GABBR2: variants seen among roughly 807,000 people sequenced by gnomAD.
GABBR2 encodes the protein G-protein coupled receptor 51.
GABBR2 carries 23 observed loss-of-function variants against 105.6 expected under a neutral mutation model. That is an observed-to-expected ratio of 0.22 (90% CI 0.16 to 0.31). The LOEUF (loss-of-function observed/expected upper bound fraction) is 0.31, where lower values mean the gene tolerates loss of function less well. GABBR2 is among the 10% of genes least tolerant of loss of function. The pLI is 1.00. For synonymous variants in GABBR2, 478 were observed against 499.7 expected (o/e 0.96, Z 0.58); for missense variants, 734 against 1,245.5 (o/e 0.59, Z 6.18).
chr9:98,676,956 G>T (rs1024676655), intron 1 of GABBR2, among the ~76,000 whole-genome samples: 2 of 152,212 alleles, frequency 1.3e-5, no homozygotes, highest in Non-Finnish European at 2.9e-5. Flanking sequence ...AAGGTGCTCT[G>T]TGGGCACAGA....
At chr9:98,445,475 G>A (rs1214791658) in intron 7 of GABBR2, among the ~76,000 whole-genome samples, 1 of 152,192 alleles carries the variant, frequency 6.6e-6, no homozygotes, top group Non-Finnish European at 1.5e-5. Flanking sequence ...TCTTAGATGG[G>A]GTCCTCCAGA....
intron 1 of GABBR2, among the ~76,000 whole-genome samples, chr9:98,592,860 A>G (rs1268673191): frequency 1.3e-5 from 2 of 152,176 alleles, no homozygotes; most frequent in Non-Finnish European, 2.9e-5. Flanking sequence ...CTGGAAAAGG[A>G]GGTTGGGGCA....
rs112519067 is a variant in GABBR2 at position 98,362,972 on chromosome 9, C to A, written c.1771-135G>T. ...AGAGTCTCCTGCGATTCCCCATCAC[C>A]CACAGGATAAATCCAGCCAAGCTCC... is the stretch of plus-strand genomic sequence containing the variant. On this transcript the variant is annotated intron_variant, in intron 12 of 18. Transcript: ENST00000259455. 324 of 664,306 alleles carry A rather than the reference C, an allele frequency of 4.9e-4. No homozygotes were observed. In the African/African-American group the frequency reaches 5.5e-3, roughly 11 times the overall value. The allele number at this position is 664,306 out of a possible 1,614,324, so 41.2% of individuals were successfully genotyped here.
intron 1 of GABBR2, among the ~76,000 whole-genome samples, chr9:98,604,952 A>G (rs1044472313): frequency 6.6e-6 from 1 of 152,204 alleles, no homozygotes. Flanking sequence ...AGCCCTCATG[A>G]TATGCCATTC....
chr9:98,424,584 C>A (rs76423885), intron 7 of GABBR2, among the ~76,000 whole-genome samples: 2 of 151,610 alleles, frequency 1.3e-5, no homozygotes, highest in Non-Finnish European at 2.9e-5. Context: ...TAGAAAACCC[C>A]ATTGTCTCAG....
At chr9:98,359,583 G>A (rs531870883) in intron 13 of GABBR2, among the ~76,000 whole-genome samples, 3 of 152,262 alleles carry the variant, frequency 2.0e-5, no homozygotes, top group Admixed American at 2.0e-4. Context: ...GCTTCCATGG[G>A]TCCTTCCTGT....
intron 1 of GABBR2, among the ~76,000 whole-genome samples, chr9:98,701,816 G>A (rs117554981): frequency 5.5e-4 from 84 of 152,174 alleles, no homozygotes; most frequent in African/African-American, 1.1e-3. Flanking sequence ...CAAGGGACCC[G>A]TCACACTGCT....
At chr9:98,438,419 A>G (rs1402812370) in intron 7 of GABBR2, among the ~76,000 whole-genome samples, 1 of 152,122 alleles carries the variant, frequency 6.6e-6, no homozygotes, top group Non-Finnish European at 1.5e-5. Flanking sequence ...GACATTCAAG[A>G]AGTAGGGGAC....
rs1211097401 is a variant in GABBR2, at chr9:98,608,859, G to C, written c.322-30787C>G. On this transcript the variant is annotated intron_variant, in intron 1 of 18. Coordinates refer to ENST00000259455, the MANE Select transcript of GABBR2 (RefSeq NM_005458.8). Reference sequence around the variant, plus strand: ...AAATAGAATATAGCATCTTTCATATGGTAGGAACCAACAAGGAAACTTTCT... The same window carrying C: ...AAATAGAATATAGCATCTTTCATATCGTAGGAACCAACAAGGAAACTTTCT... Among the ~76,000 whole-genome samples, 3 of 152,128 alleles carry C rather than the reference G, an allele frequency of 2.0e-5. No individual in the cohort carries two copies. The East Asian group carries it at 5.8e-4, about 29-fold the overall frequency.
chr9:98,438,387 A>G (rs1420235974), intron 7 of GABBR2, among the ~76,000 whole-genome samples: 1 of 151,982 alleles, frequency 6.6e-6, no homozygotes, highest in Non-Finnish European at 1.5e-5. Flanking sequence ...CTGTGTATCT[A>G]TTATGTGTAA....
At chr9:98,517,592 A>G (rs1356509068) in intron 3 of GABBR2, among the ~76,000 whole-genome samples, 2 of 152,192 alleles carry the variant, frequency 1.3e-5, no homozygotes, top group Non-Finnish European at 2.9e-5. Flanking sequence ...TGAGGAAAGG[A>G]GTAAAGTGAT....
chr9:98,671,435 A>G (rs983176748), intron 1 of GABBR2, among the ~76,000 whole-genome samples: 1 of 152,192 alleles, frequency 6.6e-6, no homozygotes, highest in Non-Finnish European at 1.5e-5. Flanking sequence ...CTTATTGGCT[A>G]TTCTAAATAA....
In GABBR2 at chr9:98,571,580, T is replaced by C. The variant is rs144846758; in HGVS notation, c.459+6355A>G. On this transcript the variant is annotated intron_variant, in intron 2 of 18. Transcript: ENST00000259455. ...TCCTAGAGGGATCTGATAAATCCCCTAACCTAGACCTGCTCAGAGTGGAGC... is the reference window on the plus strand; with the variant it reads ...TCCTAGAGGGATCTGATAAATCCCCCAACCTAGACCTGCTCAGAGTGGAGC... Among the ~76,000 whole-genome samples the C allele has an allele frequency of 3.3e-5, 5 of 152,284 alleles. No homozygotes were observed. The East Asian group carries it at 9.7e-4, about 29-fold the overall frequency.
chr9:98,614,894 G>A (rs923806074), intron 1 of GABBR2, among the ~76,000 whole-genome samples: 6 of 152,138 alleles, frequency 3.9e-5, no homozygotes, highest in Non-Finnish European at 7.3e-5. Context: ...TTTAACACAG[G>A]TCTCAGTGAT....
At chr9:98,550,002 G>T (rs909328877) in intron 2 of GABBR2, among the ~76,000 whole-genome samples, 4 of 152,194 alleles carry the variant, frequency 2.6e-5, no homozygotes, top group African/African-American at 9.6e-5. Flanking sequence ...CACTATGAGT[G>T]GTTGCCTTGA....
chr9:98,518,346 CA>C (rs1827800628), intron 3 of GABBR2, among the ~76,000 whole-genome samples: 1 of 116,644 alleles, frequency 8.6e-6, no homozygotes, highest in Non-Finnish European at 1.9e-5. Context: ...TAGAAATTAT[CA>C]AAGTATAATT....
At chr9:98,555,757 G>A (rs944452858) in intron 2 of GABBR2, 7 of 152,342 alleles carry the variant, frequency 4.6e-5, no homozygotes, top group Admixed American at 2.0e-4. Flanking sequence ...GCCCCAGCTC[G>A]AGTCTTTGAG....
chr9:98,639,777 G>GCCAGCTC (rs951410926), intron 1 of GABBR2, among the ~76,000 whole-genome samples: 19 of 152,132 alleles, frequency 1.2e-4, no homozygotes, highest in African/African-American at 4.1e-4. Context: ...ACTGCCAGCT[G>GCCAGCTC]CCAGCTCCAA....
At chr9:98,469,740 G>A (rs534042236) in intron 6 of GABBR2, among the ~76,000 whole-genome samples, 5 of 152,128 alleles carry the variant, frequency 3.3e-5, no homozygotes, top group Non-Finnish European at 7.3e-5. Context: ...ACCCACTTTC[G>A]TGATCTTGGG....
Sources: allele counts gnomAD v4.1 joint callset (sites outside exome capture counted in the v4.1 genomes callset), GRCh38; gene constraint gnomAD v4.1.1; transcripts MANE v1.5; gene names NCBI Gene and HGNC (gene_info 2026-07-23, HGNC 2026-07-21).